RAD54B: variants seen among roughly 807,000 people sequenced by gnomAD.
RAD54B encodes DNA repair and recombination protein RAD54B.
Under a neutral mutation model 95.8 loss-of-function variants are expected in RAD54B, and 78 were observed. That is an observed-to-expected ratio of 0.81 (90% CI 0.68 to 0.98). The LOEUF (loss-of-function observed/expected upper bound fraction) is 0.98, where lower values mean the gene tolerates loss of function less well. Ranked by LOEUF, RAD54B falls within the 50% of genes least tolerant of loss-of-function variation. The pLI is 0.00. For missense variants in RAD54B, 957 were observed against 1,056.6 expected (o/e 0.91, Z 1.31); for synonymous variants, 328 against 354.9 (o/e 0.92, Z 0.85).
At chr8:94,442,358 G>A (rs1022690502) in intron 3 of RAD54B, among the ~76,000 whole-genome samples, 3 of 114,848 alleles carry the variant, frequency 2.6e-5, no homozygotes, top group Non-Finnish European at 3.6e-5. Context: ...CGGATCACAA[G>A]GTCAGGAATC....
intron 3 of RAD54B, chr8:94,432,555 T>C: frequency 6.4e-7 from 1 of 1,550,396 alleles, no homozygotes; most frequent in Non-Finnish European, 8.7e-7. Context: ...TGGTTTAATG[T>C]CTTCTTCTTG....
intron 14 of RAD54B, among the ~76,000 whole-genome samples, chr8:94,372,828 A>C (rs1810473636): frequency 1.3e-5 from 2 of 152,232 alleles, no homozygotes; most frequent in Admixed American, 1.3e-4. Context: ...GGGTTAAATA[A>C]AGACTATTGA....
At chr8:94,378,153 T>C (rs1288623305) in intron 14 of RAD54B, 27 bp downstream of exon 14, 4 of 1,496,210 alleles carry the variant, frequency 2.7e-6, no homozygotes, top group African/African-American at 2.8e-5. Flanking sequence ...CTTTACTACA[T>C]AGTAACAGAA....
In RAD54B at chr8:94,400,274, T is replaced by C. The variant is rs759006816; in HGVS notation, c.1134A>G (p.Leu378=). ...NNWKKEFQKW[L]GSERIKIFTV... is the part of the protein sequence containing the mutation. ...TAAATATCTTGATCCTTTCACTTCC[T>C]AGCCATTTTTGAAATTCTTTCTTCC... The change falls in exon 7 of 15, where the codon CTA becomes CTG. Residue 378 remains leucine, a synonymous_variant. Transcript: ENST00000336148. 2 of 1,613,818 alleles carry C rather than the reference T, an allele frequency of 1.2e-6. No homozygotes were observed. Among genetic ancestry groups the C allele is most frequent in the East Asian group, 2.2e-5 (1 of 44,870 alleles).
intron 1 of RAD54B, among the ~76,000 whole-genome samples, chr8:94,471,722 C>T (rs1813176612): frequency 6.6e-6 from 1 of 151,798 alleles, no homozygotes; most frequent in South Asian, 2.1e-4. Context: ...GAGTTATTTT[C>T]TGTATATTTC....
At chr8:94,389,490 G>A (rs1810966159) in intron 10 of RAD54B, among the ~76,000 whole-genome samples, 1 of 152,160 alleles carries the variant, frequency 6.6e-6, no homozygotes, top group African/African-American at 2.4e-5. Flanking sequence ...ACAGCCTGAT[G>A]CAGCATCTCC....
intron 3 of RAD54B, chr8:94,430,008 C>T (rs560224432): frequency 7.8e-5 from 77 of 985,158 alleles, no homozygotes; most frequent in Middle Eastern, 5.2e-4. Flanking sequence ...TACGTTAAGT[C>T]TGACTCATTA....
intron 3 of RAD54B, among the ~76,000 whole-genome samples, chr8:94,445,545 T>C (rs572057491): frequency 6.6e-6 from 1 of 152,180 alleles, no homozygotes; most frequent in Non-Finnish European, 1.5e-5. Context: ...ACCACTTTAA[T>C]TGTCTTGATT....
chr8:94,426,343 T>C (rs1811943037), intron 3 of RAD54B, among the ~76,000 whole-genome samples: 1 of 152,180 alleles, frequency 6.6e-6, no homozygotes, highest in Non-Finnish European at 1.5e-5. Context: ...TCTGGCAATT[T>C]CTTAAAGGTT....
intron 3 of RAD54B, chr8:94,436,820 C>T (rs1812276750): frequency 1.6e-5 from 25 of 1,546,692 alleles, no homozygotes; most frequent in Non-Finnish European, 2.2e-5. Context: ...TTTAGCAAAT[C>T]AAGCTTTTCG....
At chr8:94,420,375 C>T (rs1811774432) in intron 3 of RAD54B, among the ~76,000 whole-genome samples, 1 of 150,684 alleles carries the variant, frequency 6.6e-6, no homozygotes, top group African/African-American at 2.4e-5. Context: ...CCCACCTCAG[C>T]ATCCTGAGTA....
chr8:94,438,867 G>C (rs770707232), intron 3 of RAD54B, among the ~76,000 whole-genome samples: 1 of 152,176 alleles, frequency 6.6e-6, no homozygotes. Context: ...GAGAGGCCAA[G>C]GATTACTTGA....
Position 94,421,884 on chromosome 8 carries a change from G to A in RAD54B, c.305-10569C>T, listed in dbSNP as rs118180509. 3.0e-3 allele frequency among the ~76,000 whole-genome samples: 460 copies of A among 152,188 alleles called. 2 individuals carry two copies. The highest frequency in any genetic ancestry group is 5.3e-3 in the Non-Finnish European group (359 of 68,006). On this transcript the variant is annotated intron_variant, in intron 3 of 14. Transcript: ENST00000336148. ...TTTGCCACCTCTATTCTCTAAAACC[G>A]TTTTCCACATTTATTATAGTTATCT...
intron 8 of RAD54B, among the ~76,000 whole-genome samples, chr8:94,396,700 T>C (rs1811156330): frequency 6.6e-6 from 1 of 152,168 alleles, no homozygotes; most frequent in African/African-American, 2.4e-5. Flanking sequence ...ATAATAATCA[T>C]TCAGCTCTTA....
intron 3 of RAD54B, chr8:94,430,347 A>G (rs1163596599): frequency 2.0e-6 from 2 of 984,028 alleles, no homozygotes; most frequent in Non-Finnish European, 2.4e-6. Context: ...GTAATTCATA[A>G]TCTGGTATCA....
intron 11 of RAD54B, among the ~76,000 whole-genome samples, chr8:94,384,468 G>T (rs1466437074): frequency 6.6e-6 from 1 of 152,078 alleles, no homozygotes; most frequent in African/African-American, 2.4e-5. Flanking sequence ...GAGAGTAGAA[G>T]GGTAGTCCAG....
intron 2 of RAD54B, among the ~76,000 whole-genome samples, chr8:94,459,448 G>A (rs1812851347): frequency 6.6e-6 from 1 of 151,870 alleles, no homozygotes; most frequent in Non-Finnish European, 1.5e-5. Context: ...ACCATACCCG[G>A]CCTTAAAAAG....
rs565818246 is a variant in RAD54B, at chr8:94,405,034, G to A, written c.782-795C>T. 3.3e-5 allele frequency among the ~76,000 whole-genome samples: 5 copies of A among 152,086 alleles called. No homozygotes were observed. In the South Asian group the frequency reaches 6.2e-4, roughly 19 times the overall value. On this transcript the variant is annotated intron_variant, in intron 5 of 14. Transcript: ENST00000336148. ...TCACCATGTTAGCCAGGCTGGTCAC[G>A]AACTCCTGACCTCAAGTGATCTGCC... is the stretch of plus-strand genomic sequence containing the variant.
intron 10 of RAD54B, 156 bp from the exon 11 acceptor site, chr8:94,387,315 C>T (rs1337692388): frequency 1.0e-5 from 6 of 595,030 alleles, no homozygotes; most frequent in African/African-American, 9.6e-5. Flanking sequence ...ATGATTTGAT[C>T]ATTTTTTAAA....
Sources: gnomAD v4.1 joint callset for allele counts (sites outside exome capture counted in the v4.1 genomes callset) on GRCh38, gnomAD v4.1.1 for gene constraint, MANE v1.5 for transcripts, NCBI Gene and HGNC (gene_info 2026-07-23, HGNC 2026-07-21) for gene names.